The following DCAF6 variants were observed in gnomAD, a reference collection of about 807,000 sequenced individuals.
DCAF6 encodes DDB1 and CUL4 associated factor 6.
A neutral mutation model predicts 125.1 loss-of-function variants in DCAF6; 54 were observed. That is an observed-to-expected ratio of 0.43 (90% CI 0.35 to 0.54). The LOEUF (loss-of-function observed/expected upper bound fraction) is 0.54, where lower values mean the gene tolerates loss of function less well. DCAF6 is among the 20% of genes least tolerant of loss of function. The probability of loss-of-function intolerance (pLI) is 0.01; values close to 1 mark genes in which losing one functional copy is unlikely to be tolerated. For synonymous variants in DCAF6, 371 were observed against 390.4 expected (o/e 0.95, Z 0.58); for missense variants, 934 against 1,161.7 (o/e 0.80, Z 2.85).
intron 21 of DCAF6, among the ~76,000 whole-genome samples, chr1:168,069,845 CTG>C (rs1692811169): frequency 1.3e-5 from 2 of 152,166 alleles, no homozygotes; most frequent in African/African-American, 4.8e-5. Context: ...TATAATAACA[CTG>C]TAACTTTTTT....
chr1:167,970,086 TTATAA>T (rs1387757143), intron 3 of DCAF6, among the ~76,000 whole-genome samples: 2 of 152,192 alleles, frequency 1.3e-5, no homozygotes, highest in Non-Finnish European at 2.9e-5. Flanking sequence ...CCCCCTTTTC[TTATAA>T]TAGAGAAGAT....
intron 17 of DCAF6, among the ~76,000 whole-genome samples, chr1:168,055,717 ATATT>A (rs1690616593): frequency 1.1e-5 from 1 of 93,110 alleles, no homozygotes; most frequent in Non-Finnish European, 1.9e-5. Flanking sequence ...GACGCATATT[ATATT>A]TATCTATAAT....
intron 17 of DCAF6, among the ~76,000 whole-genome samples, chr1:168,058,985 A>G (rs1691253160): frequency 6.6e-6 from 1 of 151,992 alleles, no homozygotes; most frequent in South Asian, 2.1e-4. Context: ...TTAGTGTACA[A>G]ATATTTTTTC....
At chr1:167,973,819 T>C (rs1677721389) in intron 3 of DCAF6, among the ~76,000 whole-genome samples, 1 of 152,204 alleles carries the variant, frequency 6.6e-6, no homozygotes, top group South Asian at 2.1e-4. Flanking sequence ...CTCCTGTGTT[T>C]TACTGTTATA....
intron 17 of DCAF6, among the ~76,000 whole-genome samples, chr1:168,051,279 G>A (rs1053590124): frequency 1.1e-4 from 17 of 152,034 alleles, no homozygotes; most frequent in Non-Finnish European, 2.2e-4. Flanking sequence ...AATTTGATTG[G>A]GATAACAATT....
At chr1:167,871,378 T>C in the DCAF6 span, among the ~76,000 whole-genome samples, 1 of 152,196 alleles carries the variant, frequency 6.6e-6, no homozygotes, top group African/African-American at 2.4e-5. Context: ...TTTTTCTGAT[T>C]ATAAAACTAA....
intron 12 of DCAF6, among the ~76,000 whole-genome samples, chr1:168,035,463 C>G (rs1404040464): frequency 1.3e-5 from 2 of 152,114 alleles, no homozygotes; most frequent in East Asian, 1.9e-4. Context: ...AAAACAAAAA[C>G]AAAACAACCT....
chr1:167,977,308 C>G (rs1223023007), intron 4 of DCAF6, among the ~76,000 whole-genome samples: 3 of 146,678 alleles, frequency 2.0e-5, no homozygotes, highest in Admixed American at 1.4e-4. Context: ...CTTTTCTTTC[C>G]TTTGTGAAAA....
At chr1:167,948,904 G>A (rs1268139087) in intron 1 of DCAF6, among the ~76,000 whole-genome samples, 1 of 152,080 alleles carries the variant, frequency 6.6e-6, no homozygotes, top group East Asian at 1.9e-4. Flanking sequence ...CACCCACCTC[G>A]GCCTCCCAAA....
At chr1:168,027,863 T>G (rs879894862) in intron 12 of DCAF6, among the ~76,000 whole-genome samples, 2 of 152,158 alleles carry the variant, frequency 1.3e-5, no homozygotes, top group Non-Finnish European at 2.9e-5. Flanking sequence ...ATGTTTAGCC[T>G]GAATCTTCAT....
chr1:167,875,292 A>T, the DCAF6 span: 1 of 1,132,600 alleles, frequency 8.8e-7, no homozygotes. Context: ...TCAATTGCTA[A>T]CAAGAGTCTA....
chr1:168,052,282 G>A (rs1275554366), intron 17 of DCAF6, among the ~76,000 whole-genome samples: 1 of 152,196 alleles, frequency 6.6e-6, no homozygotes, highest in African/African-American at 2.4e-5. Flanking sequence ...AGTACGCAAA[G>A]CTGGTTTCTG....
At chr1:167,872,997 G>C in the DCAF6 span, among the ~76,000 whole-genome samples, 3 of 151,820 alleles carry the variant, frequency 2.0e-5, no homozygotes, top group Non-Finnish European at 4.4e-5. Flanking sequence ...TTGAACCCGG[G>C]ACGCAGAGGT....
intron 4 of DCAF6, among the ~76,000 whole-genome samples, chr1:167,983,395 C>G (rs566013416): frequency 3.9e-5 from 6 of 152,256 alleles, no homozygotes; most frequent in Admixed American, 3.9e-4. Flanking sequence ...CATTCTTTTT[C>G]AGGTGTAGGC....
chr1:168,019,266 T>G (rs1207190688), intron 11 of DCAF6, among the ~76,000 whole-genome samples: 2 of 152,170 alleles, frequency 1.3e-5, no homozygotes, highest in Non-Finnish European at 2.9e-5. Context: ...GCCAGGATGG[T>G]CTTGATCTCC....
chr1:167,917,119 T>C, the DCAF6 span: 1 of 152,256 alleles, frequency 6.6e-6, no homozygotes, highest in Non-Finnish European at 1.5e-5. Context: ...CTGGCTTTAT[T>C]AGCACTTTTA....
At chr1:167,996,971 C>A (rs946609287) in intron 7 of DCAF6, among the ~76,000 whole-genome samples, 4 of 152,106 alleles carry the variant, frequency 2.6e-5, no homozygotes, top group African/African-American at 7.2e-5. Context: ...CAGTAACTTT[C>A]TATGTATATT....
chr1:167,958,823 A>G (rs905721548), intron 2 of DCAF6, among the ~76,000 whole-genome samples: 1 of 152,176 alleles, frequency 6.6e-6, no homozygotes. Flanking sequence ...ATTTTCCATT[A>G]TCAACATCTT....
the DCAF6 span, among the ~76,000 whole-genome samples, chr1:167,925,442 C>CGTGTATATATATATAT: frequency 4.9e-5 from 4 of 82,474 alleles, no homozygotes; most frequent in African/African-American, 2.0e-4. Context: ...TACATATACA[C>CGTGTATATATATATAT]ATATATATAT....
Sources: allele counts gnomAD v4.1 joint callset (sites outside exome capture counted in the v4.1 genomes callset), GRCh38; gene constraint gnomAD v4.1.1; transcripts MANE v1.5; gene names NCBI Gene and HGNC (gene_info 2026-07-23, HGNC 2026-07-21).